The following SUPT6H variants were observed in gnomAD, a reference collection of about 807,000 sequenced individuals.
SUPT6H encodes SPT6 homolog, histone chaperone and transcription elongation factor.
A neutral mutation model predicts 222.3 loss-of-function variants in SUPT6H; 11 were observed. That is an observed-to-expected ratio of 0.05 (90% CI 0.03 to 0.08). SUPT6H has a LOEUF of 0.08. Ranked by LOEUF, SUPT6H falls within the 10% of genes least tolerant of loss-of-function variation. The probability of loss-of-function intolerance (pLI) is 1.00; values close to 1 mark genes in which losing one functional copy is unlikely to be tolerated. For synonymous variants in SUPT6H, 762 were observed against 801.2 expected, an observed-to-expected ratio of 0.95 and a Z score of 0.83; for missense variants, 1,422 against 2,216.0, an observed-to-expected ratio of 0.64 and a Z score of 7.19.
At chr17:28,701,218 G>A in intron 36 of SUPT6H, 90 bp downstream of exon 36, 2 of 1,505,016 alleles carry the variant, frequency 1.3e-6, no homozygotes, top group East Asian at 4.5e-5. Context: ...CAGGTGCTCT[G>A]GATCCTCTGA....
intron 1 of SUPT6H, among the ~76,000 whole-genome samples, chr17:28,667,417 A>G (rs1597683321): frequency 7.7e-6 from 1 of 129,816 alleles, no homozygotes; most frequent in African/African-American, 2.9e-5. Context: ...ATATATATAT[A>G]TATATATATA....
chr17:28,676,506 T>C, intron 7 of SUPT6H, 76 bp downstream of exon 7: 1 of 1,595,718 alleles, frequency 6.3e-7, no homozygotes, highest in Non-Finnish European at 8.5e-7. Flanking sequence ...AGCAAAAGTC[T>C]GGCATTGAGT....
intron 25 of SUPT6H, 100 bp downstream of exon 25, chr17:28,689,661 T>C: frequency 8.8e-7 from 1 of 1,132,774 alleles, no homozygotes; most frequent in Non-Finnish European, 1.3e-6. Context: ...CCTGATACTG[T>C]TAGTATGGCA....
At chr17:28,668,253 G>A (rs775714347) in intron 1 of SUPT6H, among the ~76,000 whole-genome samples, 33 of 152,178 alleles carry the variant, frequency 2.2e-4, no homozygotes, top group Non-Finnish European at 4.0e-4. Context: ...AAGAGCATAA[G>A]TGCTAAATAC....
At chr17:28,676,572 G>C (rs2030759706) in intron 7 of SUPT6H, 142 bp downstream of exon 7, 2 of 1,290,570 alleles carry the variant, frequency 1.5e-6, no homozygotes, top group Non-Finnish European at 2.1e-6. Flanking sequence ...CCAGCTCTTA[G>C]AGAAGGGAAG....
chr17:28,683,981 G>A (rs575981807), intron 17 of SUPT6H, among the ~76,000 whole-genome samples, 165 bp downstream of exon 17: 26 of 151,726 alleles, frequency 1.7e-4, no homozygotes, highest in Non-Finnish European at 2.5e-4. Context: ...GACTACAGGC[G>A]CCCACCACCA....
chr17:28,680,324 G>A (rs922422323), intron 11 of SUPT6H, among the ~76,000 whole-genome samples: 2 of 149,932 alleles, frequency 1.3e-5, no homozygotes, highest in African/African-American at 4.9e-5. Context: ...GAGGCTGGGC[G>A]TGGTGGCTCA....
Position 28,698,018 on chromosome 17 carries a change from G to T in SUPT6H, c.4436G>T (p.Arg1479Leu). Residue 1479 changes from arginine to leucine, a missense_variant, in exon 32 of 37, where the codon CGG becomes CTG. Physicochemically the swap from Arg to Leu is moderately radical, Grantham distance 102. Transcript: ENST00000314616. ...PGKFLLGYQP[R>L]GKPRIEYVTV... The stretch of plus-strand genomic sequence containing the variant: ...AAGTTCCTACTGGGATACCAGCCCC[G>T]GGGTAAACCCAGGTGAGCACTAGTG... 1 of 1,610,342 alleles carries T rather than the reference G, an allele frequency of 6.2e-7. No individual in the cohort carries two copies.
In SUPT6H at chr17:28,701,564, A is replaced by G; in HGVS notation, c.5120A>G (p.Glu1707Gly). ...TPRPSPSPMI[E>G]STPMSIAGDA... ...CGGCCCTCCCCCAGCCCCATGATCG[A>G]AAGCACCCCCATGTCCATTGCTGGC... is the stretch of plus-strand genomic sequence containing the variant. The change falls in exon 37 of 37, where the codon GAA becomes GGA. Residue 1707 changes from glutamate (E) to glycine (G), a missense_variant. This residue lies in a region of SUPT6H where 395 missense variants were observed against 580.6 expected (regional missense o/e 0.68). Coordinates refer to ENST00000314616, the MANE Select transcript of SUPT6H (RefSeq NM_003170.5). 6.2e-7 allele frequency: 1 copy of G among 1,614,044 alleles called. No individual in the cohort carries two copies.
intron 13 of SUPT6H, 125 bp from the exon 14 acceptor site, chr17:28,682,602 C>T: frequency 1.5e-6 from 2 of 1,376,442 alleles, no homozygotes; most frequent in Non-Finnish European, 2.0e-6. Context: ...GCCTGGGCAA[C>T]AGAGCGAGAC....
At chr17:28,698,350 C>T (rs1490768913) in intron 32 of SUPT6H, among the ~76,000 whole-genome samples, 1 of 152,250 alleles carries the variant, frequency 6.6e-6, no homozygotes, top group African/African-American at 2.4e-5. Flanking sequence ...GTACACTGGT[C>T]TCTCCTGTCC....
intron 28 of SUPT6H, 53 bp downstream of exon 28, chr17:28,693,889 A>C: frequency 6.2e-7 from 1 of 1,611,330 alleles, no homozygotes; most frequent in South Asian, 1.1e-5. Context: ...TGCCCAGATC[A>C]GGTCTCTTTA....
At chr17:28,673,553 G>A (rs775314476) in intron 2 of SUPT6H, 43 bp downstream of exon 2, 1 of 1,425,050 alleles carries the variant, frequency 7.0e-7, no homozygotes, top group Non-Finnish European at 9.9e-7. Flanking sequence ...CTATTGCTAA[G>A]CTTTGGATAG....
At chr17:28,698,565 G>T (rs772606335) in intron 32 of SUPT6H, among the ~76,000 whole-genome samples, 1 of 152,214 alleles carries the variant, frequency 6.6e-6, no homozygotes. Context: ...TCCCTCTAGC[G>T]CTTACCCTGA....
intron 1 of SUPT6H, among the ~76,000 whole-genome samples, chr17:28,672,114 T>C (rs2030454251): frequency 2.6e-5 from 4 of 152,242 alleles, no homozygotes; most frequent in Admixed American, 2.6e-4. Flanking sequence ...GAAGTATTTG[T>C]GTGTTTAATC....
At chr17:28,689,317 C>T (rs1449114138) in intron 24 of SUPT6H, 37 bp from the exon 25 acceptor site, 3 of 1,602,626 alleles carry the variant, frequency 1.9e-6, no homozygotes, top group African/African-American at 1.3e-5. Flanking sequence ...AGAAGCTTAT[C>T]GTTCTATATC....
intron 23 of SUPT6H, 87 bp downstream of exon 23, chr17:28,687,558 G>GGGA: frequency 7.0e-7 from 1 of 1,426,512 alleles, no homozygotes; most frequent in Non-Finnish European, 9.4e-7. Context: ...TTGACAGATT[G>GGGA]GGAGGACCAA....
chr17:28,699,653 C>A, intron 32 of SUPT6H, 128 bp from the exon 33 acceptor site: 1 of 787,038 alleles, frequency 1.3e-6, no homozygotes, highest in Non-Finnish European at 2.3e-6. Context: ...GGCCTGGGGA[C>A]TGGCTGTGTC....
At chr17:28,668,524 C>G (rs996891432) in intron 1 of SUPT6H, among the ~76,000 whole-genome samples, 4 of 152,178 alleles carry the variant, frequency 2.6e-5, no homozygotes, top group Non-Finnish European at 5.9e-5. Flanking sequence ...TGCTTTATTG[C>G]TAACCTAGGC....
Sources: gnomAD v4.1 joint callset for allele counts (sites outside exome capture counted in the v4.1 genomes callset) on GRCh38, gnomAD v4.1.1 for gene constraint, gnomAD v4.1.1 regional missense constraint, MANE v1.5 for transcripts, NCBI Gene and HGNC (gene_info 2026-07-23, HGNC 2026-07-21) for gene names.